Variants in PCDHA1 observed in about 807,000 individuals in gnomAD.
The protein encoded by PCDHA1 is protocadherin alpha-1.
In PCDHA1, 42 loss-of-function variants were observed where a neutral mutation model predicts 61.3. The ratio of observed to expected loss-of-function variants is 0.69; its 90% CI spans 0.54 to 0.89. The LOEUF (loss-of-function observed/expected upper bound fraction) is 0.89. PCDHA1 is among the 40% of genes least tolerant of loss of function. PCDHA1 has a pLI of 0.00. For missense variants in PCDHA1, 1,256 were observed against 1,235.3 expected, an observed-to-expected ratio of 1.02 and a Z score of -0.25; for synonymous variants, 610 against 553.8, an observed-to-expected ratio of 1.10 and a Z score of -1.43.
intron 1 of PCDHA1, chr5:140,851,015 G>T: frequency 7.0e-7 from 1 of 1,432,294 alleles, no homozygotes. Flanking sequence ...TTTTTTTTCT[G>T]ATAAAGTAAA....
Position 140,819,440 on chromosome 5 carries a change from A to T in PCDHA1, c.2394+30756A>T, listed in dbSNP as rs2150104252. On this transcript the variant is annotated intron_variant, in intron 1 of 3. Coordinates refer to ENST00000504120, the MANE Select transcript of PCDHA1 (RefSeq NM_018900.4). The stretch of plus-strand genomic sequence containing the variant: ...ATATACTACACAGTTTTAAATCTAA[A>T]TTTTTTTCTCAAGGAAGAACTTCTG... 7.2e-5 allele frequency among the ~76,000 whole-genome samples: 11 copies of T among 152,254 alleles called. No homozygotes were observed. The South Asian group carries it at 2.1e-3, about 29-fold the overall frequency.
chr5:140,828,762 G>A lies in PCDHA1; in HGVS notation c.2394+40078G>A, dbSNP rs2150158654. The stretch of plus-strand genomic sequence containing the variant: ...GATGGGGGCAAACCTGAGCTCACAG[G>A]CACTGTTCAGCTGCTGGTCACAGTG... On this transcript the variant is annotated intron_variant, in intron 1 of 3. Coordinates refer to ENST00000504120, the MANE Select transcript of PCDHA1 (RefSeq NM_018900.4). The A allele has an allele frequency of 3.1e-6, 5 of 1,614,070 alleles. 1 individual carries two copies. The South Asian group carries it at 4.4e-5, about 14-fold the overall frequency.
rs1554244455 is a variant in PCDHA1 at position 140,982,542 on chromosome 5, A to G, written c.2521A>G (p.Thr841Ala). The G allele has an allele frequency of 1.9e-6, 3 of 1,614,210 alleles. No homozygotes were observed. The highest frequency in any genetic ancestry group is 2.2e-5 in the East Asian group (1 of 44,888). Residue 841 changes from threonine (T) to alanine (A), a missense_variant, in exon 3 of 4, where the codon ACA becomes GCA. Transcript: ENST00000504120. ...GPGGPDQQWP[T>A]VSSATPEPEA... ...AGGAGGGCCTGATCAGCAGTGGCCA[A>G]CAGTATCCAGTGCAACACCAGGTAA...
At chr5:140,841,756 C>G (rs1777468782) in intron 1 of PCDHA1, 4 of 1,613,854 alleles carry the variant, frequency 2.5e-6, no homozygotes, top group Non-Finnish European at 1.7e-6. Context: ...TTTCAGAATC[C>G]AGAATGCCAG....
chr5:140,886,062 C>T (rs925772414), intron 1 of PCDHA1, among the ~76,000 whole-genome samples: 10 of 152,172 alleles, frequency 6.6e-5, no homozygotes, highest in Non-Finnish European at 1.2e-4. Context: ...CTTACAAAAG[C>T]GTAGGGCCAT....
At chr5:140,823,542 G>A in intron 1 of PCDHA1, 1 of 1,613,852 alleles carries the variant, frequency 6.2e-7, no homozygotes, top group Non-Finnish European at 8.5e-7. Context: ...CGGGCCACGT[G>A]GTGGCGAAGG....
chr5:140,808,943 G>A (rs1554124908), intron 1 of PCDHA1: 4 of 1,613,730 alleles, frequency 2.5e-6, no homozygotes, highest in East Asian at 2.2e-5. Context: ...ATGGTCGGTG[G>A]GTGTGGGCCA....
rs1554228541 is a variant in PCDHA1 at position 140,966,673 on chromosome 5, T to C, written c.2395-12276T>C. 2.3e-6 allele frequency: 3 copies of C among 1,290,056 alleles called. No homozygotes were observed. The African/African-American group carries it at 4.7e-5, about 20-fold the overall frequency. The allele number at this position is 1,290,056 out of a possible 1,614,324, so 79.9% of individuals were successfully genotyped here. A position where few individuals can be genotyped will look rare whatever the true frequency, so the allele number is the denominator to read the frequency against. On this transcript the variant is annotated intron_variant, in intron 1 of 3. Coordinates refer to ENST00000504120, the MANE Select transcript of PCDHA1 (RefSeq NM_018900.4). ...GAGCGGTGGGGGAGCAGGCGCAGGG[T>C]GGCACGAGCGGAGGCGGGGCCCGGG...
chr5:140,985,801 A>G (rs2097171670), intron 3 of PCDHA1, among the ~76,000 whole-genome samples: 1 of 135,588 alleles, frequency 7.4e-6, no homozygotes, highest in Admixed American at 8.6e-5. Flanking sequence ...GTGCAGTGGC[A>G]CGATCTCAGC....
chr5:140,955,359 C>A (rs1390938554), intron 1 of PCDHA1, among the ~76,000 whole-genome samples: 1 of 151,992 alleles, frequency 6.6e-6, no homozygotes, highest in African/African-American at 2.4e-5. Context: ...TGAGAGGGAC[C>A]CAGTGGGAGG....
At chr5:140,866,847 A>T (rs1485743697) in intron 1 of PCDHA1, 1 of 152,136 alleles carries the variant, frequency 6.6e-6, no homozygotes, top group African/African-American at 2.4e-5. Context: ...ATCAGTTAAC[A>T]ATAACTGTAT....
At chr5:140,823,974 G>C (rs2150131023) in intron 1 of PCDHA1, 1 of 1,614,122 alleles carries the variant, frequency 6.2e-7, no homozygotes, top group East Asian at 2.2e-5. Flanking sequence ...TGTGCACACG[G>C]GGCAAGCCCA....
chr5:140,927,734 G>A, intron 1 of PCDHA1: 1 of 1,614,196 alleles, frequency 6.2e-7, no homozygotes, highest in Non-Finnish European at 8.5e-7. Context: ...GCAGAGCTGC[G>A]ACACCGCTTT....
chr5:140,893,662 A>T (rs1462433571), intron 1 of PCDHA1, among the ~76,000 whole-genome samples: 5 of 152,204 alleles, frequency 3.3e-5, no homozygotes, highest in African/African-American at 1.2e-4. Context: ...GTTTTAAAAA[A>T]TTTCAGCACT....
intron 1 of PCDHA1, chr5:140,867,094 A>T (rs1289520469): frequency 6.6e-6 from 1 of 152,180 alleles, no homozygotes; most frequent in Admixed American, 6.5e-5. Flanking sequence ...GTTGGAAATT[A>T]ACACCTAAAT....
chr5:140,797,546 T>C, intron 1 of PCDHA1: 1 of 750,700 alleles, frequency 1.3e-6, no homozygotes, highest in East Asian at 2.7e-5. Context: ...CATAACTGTT[T>C]TCTTATTTTT....
intron 1 of PCDHA1, among the ~76,000 whole-genome samples, chr5:140,954,517 A>G (rs1554221451): frequency 6.6e-6 from 1 of 152,182 alleles, no homozygotes; most frequent in Non-Finnish European, 1.5e-5. Flanking sequence ...TTACCTAATG[A>G]TCAGTGATGT....
chr5:140,949,976 TACTTA>T (rs2094437494), intron 1 of PCDHA1, among the ~76,000 whole-genome samples: 1 of 151,940 alleles, frequency 6.6e-6, no homozygotes, highest in Admixed American at 6.6e-5. Flanking sequence ...ACAGCATACA[TACTTA>T]ACTTTTCTCA....
intron 1 of PCDHA1, chr5:140,834,473 G>C: frequency 6.2e-7 from 1 of 1,614,140 alleles, no homozygotes; most frequent in Non-Finnish European, 8.5e-7. Context: ...GGAGAGGCCA[G>C]CTCCACTACT....
Sources: gnomAD v4.1 joint callset for allele counts (sites outside exome capture counted in the v4.1 genomes callset) on GRCh38, gnomAD v4.1.1 for gene constraint, MANE v1.5 for transcripts, NCBI Gene and HGNC (gene_info 2026-07-23, HGNC 2026-07-21) for gene names.